PCDH15: variants seen among roughly 807,000 people sequenced by gnomAD.
PCDH15 encodes protocadherin related 15, also known as protocadherin-15.
In PCDH15, 129 loss-of-function variants were observed where a neutral mutation model predicts 178.5. That is an observed-to-expected ratio of 0.72 (90% CI 0.63 to 0.84). PCDH15 has a LOEUF of 0.84. Among genes scored for constraint, PCDH15 ranks in the 40% least tolerant of loss-of-function variants. The probability of loss-of-function intolerance (pLI) is 0.00; values close to 1 mark genes in which losing one functional copy is unlikely to be tolerated. For synonymous variants in PCDH15, 800 were observed against 732.0 expected (o/e 1.09, Z -1.50); for missense variants, 2,230 against 2,099.9 (o/e 1.06, Z -1.21).
intron 2 of PCDH15, among the ~76,000 whole-genome samples, chr10:54,975,692 A>G (rs1463848156): frequency 6.6e-6 from 1 of 152,170 alleles, no homozygotes; most frequent in Non-Finnish European, 1.5e-5. Flanking sequence ...GTAAGGTCAC[A>G]AAGTCTCTTA....
chr10:54,140,734 G>T (rs1170210747), intron 14 of PCDH15, among the ~76,000 whole-genome samples: 2 of 151,476 alleles, frequency 1.3e-5, no homozygotes, highest in African/African-American at 2.4e-5. Context: ...CCAGGCTGGA[G>T]TACAGTGGCA....
intron 28 of PCDH15, among the ~76,000 whole-genome samples, chr10:53,847,225 A>T (rs144618984): frequency 3.4e-3 from 515 of 152,138 alleles, no homozygotes; most frequent in African/African-American, 0.012. Context: ...ACCTGTTGTG[A>T]TGGTTACAAG....
intron 20 of PCDH15, among the ~76,000 whole-genome samples, chr10:53,999,052 CAA>C (rs33951115): frequency 0.35 from 32,078 of 91,608 alleles, 3,645 homozygotes; most frequent in Middle Eastern, 0.56. Context: ...TACTCAGTCT[CAA>C]AAAAAAAAAA....
chr10:54,248,812 A>G (rs1270283397), intron 8 of PCDH15, among the ~76,000 whole-genome samples: 1 of 152,102 alleles, frequency 6.6e-6, no homozygotes, highest in Non-Finnish European at 1.5e-5. Flanking sequence ...ATCAAATGTG[A>G]TACTGCTAGT....
chr10:54,672,796 T>A (rs1175658447), intron 1 of PCDH15, among the ~76,000 whole-genome samples: 1 of 152,104 alleles, frequency 6.6e-6, no homozygotes, highest in Admixed American at 6.5e-5. Context: ...AGTTACAACT[T>A]TTCTGTTTCT....
intron 8 of PCDH15, among the ~76,000 whole-genome samples, chr10:54,246,353 C>G (rs576136006): frequency 2.0e-5 from 3 of 151,798 alleles, no homozygotes; most frequent in African/African-American, 7.2e-5. Context: ...TAGAGATGGC[C>G]TGATTTGTAA....
At chr10:55,170,457 T>C (rs975767435) in intron 1 of PCDH15, among the ~76,000 whole-genome samples, 6 of 152,106 alleles carry the variant, frequency 3.9e-5, no homozygotes, top group African/African-American at 1.4e-4. Context: ...CTTAAAGGTG[T>C]CTTAAAGCTG....
At chr10:54,872,907 C>G (rs899436959) in intron 3 of PCDH15, among the ~76,000 whole-genome samples, 1 of 151,972 alleles carries the variant, frequency 6.6e-6, no homozygotes, top group Non-Finnish European at 1.5e-5. Context: ...CCTAGGCAAG[C>G]AGAGGTCACA....
chr10:54,304,059 CA>C (rs2060312901), intron 8 of PCDH15, among the ~76,000 whole-genome samples: 1 of 152,072 alleles, frequency 6.6e-6, no homozygotes, highest in South Asian at 2.1e-4. Context: ...ATGTTTATTA[CA>C]ACTCTTTGAC....
intron 1 of PCDH15, among the ~76,000 whole-genome samples, chr10:55,302,219 A>C (rs1235152282): frequency 7.1e-6 from 1 of 141,470 alleles, no homozygotes; most frequent in Non-Finnish European, 1.5e-5. Context: ...ATTCCACTCT[A>C]TGAAAAAAGT....
chr10:53,971,128 T>A (rs1263989791), intron 21 of PCDH15, among the ~76,000 whole-genome samples: 1 of 152,186 alleles, frequency 6.6e-6, no homozygotes, highest in Non-Finnish European at 1.5e-5. Context: ...CAAGGCTGGT[T>A]CAACATACGC....
At chr10:54,685,362 G>A (rs548617656) in intron 1 of PCDH15, among the ~76,000 whole-genome samples, 121 of 152,144 alleles carry the variant, frequency 8.0e-4, no homozygotes, top group African/African-American at 2.6e-3. Flanking sequence ...ATTTGCTATC[G>A]TTTTCAAGTA....
At chr10:54,912,685 C>T (rs1954838308) in intron 2 of PCDH15, among the ~76,000 whole-genome samples, 2 of 152,030 alleles carry the variant, frequency 1.3e-5, no homozygotes, top group Admixed American at 6.6e-5. Flanking sequence ...ATAAGGATAC[C>T]TGAAAATATG....
intron 2 of PCDH15, among the ~76,000 whole-genome samples, chr10:55,052,338 C>CCT (rs5785113): frequency 1 from 151,325 of 151,330 alleles, 75,660 homozygotes; most frequent in Middle Eastern, 1. Flanking sequence ...GATCCGCCCA[C>CCT]CGGCCTCCCA....
intron 2 of PCDH15, among the ~76,000 whole-genome samples, chr10:55,584,484 C>T (rs1842684440): frequency 6.6e-6 from 1 of 151,686 alleles, no homozygotes; most frequent in Non-Finnish European, 1.5e-5. Flanking sequence ...TGGTGAAACC[C>T]CTTGTCTACT....
chr10:54,939,310 C>A (rs752315606), intron 2 of PCDH15, among the ~76,000 whole-genome samples: 1 of 150,878 alleles, frequency 6.6e-6, no homozygotes, highest in South Asian at 2.1e-4. Context: ...CTGGCTACCA[C>A]GGTGAAACCT....
At chr10:54,903,239 A>T (rs1252742417) in intron 2 of PCDH15, among the ~76,000 whole-genome samples, 1 of 150,772 alleles carries the variant, frequency 6.6e-6, no homozygotes, top group East Asian at 2.0e-4. Flanking sequence ...AAGTGGCTAC[A>T]TCACTAAACA....
At chr10:54,192,718 A>ATGAC (rs2049162535) in intron 11 of PCDH15, among the ~76,000 whole-genome samples, 7 of 152,182 alleles carry the variant, frequency 4.6e-5, no homozygotes, top group Admixed American at 4.6e-4. Flanking sequence ...TGGACACCTA[A>ATGAC]TGACAGTCAC....
At chr10:54,404,186 GC>G (rs1220985301) in intron 3 of PCDH15, among the ~76,000 whole-genome samples, 1 of 150,888 alleles carries the variant, frequency 6.6e-6, no homozygotes, top group Non-Finnish European at 1.5e-5. Context: ...TAATATTCAG[GC>G]CCCAAAAAAG....
Sources: allele counts gnomAD v4.1 joint callset (sites outside exome capture counted in the v4.1 genomes callset), GRCh38; gene constraint gnomAD v4.1.1; transcripts MANE v1.5; gene names NCBI Gene and HGNC (gene_info 2026-07-23, HGNC 2026-07-21).